The following SYT9 variants were observed in gnomAD, a reference collection of about 807,000 sequenced individuals.
SYT9 encodes the protein synaptotagmin-9.
A neutral mutation model predicts 48.4 loss-of-function variants in SYT9; 22 were observed. The observed-to-expected ratio is 0.45, with a 90% CI of 0.32 to 0.65. The LOEUF is 0.65. Among genes scored for constraint, SYT9 ranks in the 30% least tolerant of loss-of-function variants. The pLI is 0.03. For missense variants in SYT9, 577 were observed against 622.0 expected (o/e 0.93, Z 0.77); for synonymous variants, 265 against 245.0 (o/e 1.08, Z -0.76).
intron 3 of SYT9, among the ~76,000 whole-genome samples, chr11:7,348,257 C>A (rs912828813): frequency 1.3e-5 from 2 of 152,170 alleles, no homozygotes; most frequent in Non-Finnish European, 1.5e-5. Context: ...AACTCTACCC[C>A]CCTCCTCAGT....
intron 3 of SYT9, among the ~76,000 whole-genome samples, chr11:7,411,430 G>A (rs1847134872): frequency 6.6e-6 from 1 of 152,116 alleles, no homozygotes; most frequent in African/African-American, 2.4e-5. Flanking sequence ...GGCCAGTCTA[G>A]TGGTGATAAA....
intron 4 of SYT9, among the ~76,000 whole-genome samples, chr11:7,416,431 A>G (rs971324642): frequency 6.6e-6 from 1 of 152,210 alleles, no homozygotes; most frequent in Non-Finnish European, 1.5e-5. Context: ...GAACAGTGCT[A>G]GCATATATTA....
At chr11:7,275,974 C>A (rs1848381844) in intron 1 of SYT9, among the ~76,000 whole-genome samples, 1 of 152,134 alleles carries the variant, frequency 6.6e-6, no homozygotes, top group Non-Finnish European at 1.5e-5. Flanking sequence ...TTGCGCCTCA[C>A]CCCCAACTAG....
intron 3 of SYT9, among the ~76,000 whole-genome samples, chr11:7,415,512 G>C (rs1178682473): frequency 6.6e-6 from 1 of 152,068 alleles, no homozygotes; most frequent in Non-Finnish European, 1.5e-5. Flanking sequence ...GGAGTGTGTG[G>C]GGTGGTGTGG....
intron 1 of SYT9, among the ~76,000 whole-genome samples, chr11:7,246,274 T>C (rs1728120433): frequency 6.6e-6 from 1 of 152,178 alleles, no homozygotes; most frequent in African/African-American, 2.4e-5. Flanking sequence ...TGTAAAAAGT[T>C]CACTTTCTAT....
chr11:7,288,065 C>G (rs1848629176), intron 1 of SYT9, among the ~76,000 whole-genome samples: 1 of 152,014 alleles, frequency 6.6e-6, no homozygotes. Flanking sequence ...CTACACTTAG[C>G]TTTATAGGAT....
chr11:7,284,196 C>A (rs1276397405), intron 1 of SYT9, among the ~76,000 whole-genome samples: 2 of 152,082 alleles, frequency 1.3e-5, no homozygotes, highest in Non-Finnish European at 2.9e-5. Context: ...GTATATCCAG[C>A]CTCTTGATCA....
chr11:7,248,460 A>G (rs1463350220), upstream of SYT9, among the ~76,000 whole-genome samples: 2 of 152,150 alleles, frequency 1.3e-5, no homozygotes, highest in African/African-American at 4.8e-5. Context: ...TTATAGTTTC[A>G]GCTCTTAGAT....
upstream of SYT9, among the ~76,000 whole-genome samples, chr11:7,250,683 C>G (rs988298912): frequency 1.3e-5 from 2 of 152,126 alleles, no homozygotes; most frequent in Non-Finnish European, 2.9e-5. Context: ...TCCCTGAAAC[C>G]CTAGTACCAT....
At chr11:7,298,989 A>G (rs1426823652) in intron 1 of SYT9, among the ~76,000 whole-genome samples, 2 of 152,090 alleles carry the variant, frequency 1.3e-5, no homozygotes, top group African/African-American at 4.8e-5. Context: ...TCCTTGAGGG[A>G]CTATCTGGCT....
chr11:7,385,538 C>A (rs767254859), intron 3 of SYT9, among the ~76,000 whole-genome samples: 3 of 152,002 alleles, frequency 2.0e-5, no homozygotes, highest in Non-Finnish European at 2.9e-5. Context: ...TGAAAAACTG[C>A]CTGCTGGGTA....
At chr11:7,282,382 G>C (rs555616555) in intron 1 of SYT9, among the ~76,000 whole-genome samples, 109 of 152,208 alleles carry the variant, frequency 7.2e-4, no homozygotes, top group African/African-American at 2.6e-3. Context: ...CTCCTAAGGG[G>C]ATGTGCAACT....
chr11:7,271,621 G>A (rs1488234408), intron 1 of SYT9, among the ~76,000 whole-genome samples: 1 of 152,140 alleles, frequency 6.6e-6, no homozygotes, highest in Non-Finnish European at 1.5e-5. Flanking sequence ...CTGTCACCCA[G>A]GTTGGAGTGC....
intron 3 of SYT9, among the ~76,000 whole-genome samples, chr11:7,330,932 A>G (rs1168747697): frequency 6.6e-6 from 1 of 151,764 alleles, no homozygotes; most frequent in Non-Finnish European, 1.5e-5. Flanking sequence ...CCTGACCTCA[A>G]GCAATACAGG....
At chr11:7,423,642 C>T (rs1415523553) in intron 6 of SYT9, among the ~76,000 whole-genome samples, 2 of 152,150 alleles carry the variant, frequency 1.3e-5, no homozygotes, top group Non-Finnish European at 2.9e-5. Context: ...GTATGCCCCA[C>T]ATTCTGAGGG....
intron 1 of SYT9, among the ~76,000 whole-genome samples, chr11:7,273,594 C>A (rs764546413): frequency 7.2e-5 from 11 of 152,016 alleles, no homozygotes; most frequent in Non-Finnish European, 8.8e-5. Context: ...CTAAGTGAGT[C>A]CCATGGCCAG....
At chr11:7,363,906 G>T (rs926941624) in intron 3 of SYT9, among the ~76,000 whole-genome samples, 5 of 152,150 alleles carry the variant, frequency 3.3e-5, no homozygotes, top group Non-Finnish European at 5.9e-5. Flanking sequence ...ACAAGTCAAA[G>T]ATATGGAATT....
At chr11:7,285,934 C>T (rs1037305909) in intron 1 of SYT9, among the ~76,000 whole-genome samples, 1 of 152,238 alleles carries the variant, frequency 6.6e-6, no homozygotes, top group Admixed American at 6.5e-5. Flanking sequence ...GCCTTGGGAG[C>T]TCCACCCCTG....
At chr11:7,312,388 A>G (rs1849153799) in intron 2 of SYT9, among the ~76,000 whole-genome samples, 1 of 152,210 alleles carries the variant, frequency 6.6e-6, no homozygotes, top group African/African-American at 2.4e-5. Flanking sequence ...ACCTTCTAGT[A>G]AAGAGGCTAT....
Sources: gnomAD v4.1 joint callset for allele counts (sites outside exome capture counted in the v4.1 genomes callset) on GRCh38, gnomAD v4.1.1 for gene constraint, MANE v1.5 for transcripts, NCBI Gene and HGNC (gene_info 2026-07-23, HGNC 2026-07-21) for gene names.